The following SLC6A6 variants were observed in gnomAD, a reference collection of about 807,000 sequenced individuals.
SLC6A6 encodes the protein sodium- and chloride-dependent taurine transporter.
In SLC6A6, 16 loss-of-function variants were observed where a neutral mutation model predicts 68.8. The observed-to-expected ratio is 0.23, with a 90% CI of 0.16 to 0.35. SLC6A6 has a LOEUF of 0.35. Among genes scored for constraint, SLC6A6 ranks in the 10% least tolerant of loss-of-function variants. SLC6A6 has a pLI of 1.00. For synonymous variants in SLC6A6, 312 were observed against 315.4 expected (o/e 0.99, Z 0.12); for missense variants, 474 against 802.8 (o/e 0.59, Z 4.95).
chr3:14,417,905 G>A lies in SLC6A6; in HGVS notation c.-12+1452G>A, dbSNP rs192978173. ...CTTATTTTTCTTTTAGTTCAGGATC[G>A]TCATTATGTTTTTAAAAAGGGTTTA... On this transcript the variant is annotated intron_variant, in intron 2 of 14. Transcript: ENST00000622186. Among the ~76,000 whole-genome samples the A allele has an allele frequency of 7.9e-5, 12 of 151,874 alleles. No individual in the cohort carries two copies. In the South Asian group the frequency reaches 8.3e-4, roughly 11 times the overall value.
intron 5 of SLC6A6, among the ~76,000 whole-genome samples, chr3:14,454,106 G>A (rs80190578): frequency 0.023 from 3,447 of 152,360 alleles, 137 homozygotes; most frequent in African/African-American, 0.079. Context: ...CAGAAGGGCC[G>A]TGTTGGCCGG....
rs13316739 is a variant in SLC6A6 at position 14,452,629 on chromosome 3, G to A, written c.599+4813G>A. Among the ~76,000 whole-genome samples, 1,418 of 151,456 alleles carry A rather than the reference G, an allele frequency of 9.4e-3. 22 individuals are homozygous for A. The highest frequency in any genetic ancestry group is 0.033 in the African/African-American group (1,344 of 40,780). On this transcript the variant is annotated intron_variant, in intron 5 of 14. Coordinates refer to ENST00000622186, the MANE Select transcript of SLC6A6 (RefSeq NM_003043.6). ...CAGGTTACTCTTGGGGTCTTCTCTCGGCCTGGACCCCCTACACCCACCCTG... is the reference window on the plus strand; with the variant it reads ...CAGGTTACTCTTGGGGTCTTCTCTCAGCCTGGACCCCCTACACCCACCCTG...
At position 14,467,763 on chromosome 3, in the gene SLC6A6, G is replaced by A. The variant is rs149158300; in HGVS notation, c.868-90G>A. ...TGCAAGGTCCCGTCCCCAGGCCATC[G>A]CCAGGTGGACATAACCCTCGCTGCC... is the stretch of plus-strand genomic sequence containing the variant. On this transcript the variant is annotated intron_variant, in intron 7 of 14. Coordinates refer to ENST00000622186, the MANE Select transcript of SLC6A6 (RefSeq NM_003043.6). The A allele has an allele frequency of 1.3e-3, 934 of 725,872 alleles. 13 individuals are homozygous for A. In the East Asian group the frequency reaches 0.019, roughly 14 times the overall value. The allele number at this position is 725,872 out of a possible 1,614,324, so 45.0% of individuals were successfully genotyped here.
intron 9 of SLC6A6, among the ~76,000 whole-genome samples, chr3:14,470,719 T>C (rs1408570362): frequency 1.3e-5 from 2 of 152,178 alleles, no homozygotes; most frequent in Non-Finnish European, 1.5e-5. Context: ...GGCCCCGGTC[T>C]GGGTGGAAAC....
chr3:14,470,507 C>T (rs1559311247), intron 9 of SLC6A6, among the ~76,000 whole-genome samples: 1 of 152,222 alleles, frequency 6.6e-6, no homozygotes, highest in Non-Finnish European at 1.5e-5. Flanking sequence ...GAGAAAGACG[C>T]TCAGACCCTC....
chr3:14,470,468 C>T (rs1159128586), intron 9 of SLC6A6, among the ~76,000 whole-genome samples: 1 of 152,208 alleles, frequency 6.6e-6, no homozygotes, highest in Non-Finnish European at 1.5e-5. Context: ...TCCTGGACTT[C>T]TCTCTCTTGA....
At chr3:14,409,426 T>G (rs111348237) in intron 1 of SLC6A6, among the ~76,000 whole-genome samples, 3 of 152,342 alleles carry the variant, frequency 2.0e-5, no homozygotes, top group African/African-American at 7.2e-5. Flanking sequence ...TTTATCCCCC[T>G]TCCTGTCTCA....
chr3:14,475,777 G>A (rs1479092501), intron 10 of SLC6A6, among the ~76,000 whole-genome samples: 2 of 152,166 alleles, frequency 1.3e-5, no homozygotes, highest in Non-Finnish European at 2.9e-5. Context: ...ATAATTCGGT[G>A]GCAATTTAGG....
intron 9 of SLC6A6, among the ~76,000 whole-genome samples, chr3:14,471,801 C>A (rs1285055955): frequency 6.6e-6 from 1 of 152,170 alleles, no homozygotes. Context: ...GGAGACTGGG[C>A]GGTCAGGTCA....
At chr3:14,407,432 T>C (rs2124891906) in intron 1 of SLC6A6, among the ~76,000 whole-genome samples, 2 of 152,168 alleles carry the variant, frequency 1.3e-5, no homozygotes, top group South Asian at 4.1e-4. Flanking sequence ...AATCAAGATA[T>C]AGAACATTTC....
At chr3:14,445,194 G>A (rs1046353904) in intron 3 of SLC6A6, among the ~76,000 whole-genome samples, 9 of 152,004 alleles carry the variant, frequency 5.9e-5, no homozygotes, top group African/African-American at 1.4e-4. Context: ...AGGCCAAGGC[G>A]GGCGGATCAC....
At chr3:14,434,951 GT>G (rs1377511492) in intron 2 of SLC6A6, among the ~76,000 whole-genome samples, 6 of 152,226 alleles carry the variant, frequency 3.9e-5, no homozygotes, top group African/African-American at 1.4e-4. Context: ...ACCTGCCAAT[GT>G]TTTTATGAGG....
chr3:14,405,318 C>T (rs1385004261), intron 1 of SLC6A6, among the ~76,000 whole-genome samples: 2 of 152,220 alleles, frequency 1.3e-5, no homozygotes, highest in African/African-American at 4.8e-5. Flanking sequence ...GCAGTCCGGG[C>T]TCTGGGGACT....
chr3:14,437,739 A>G (rs1009723513), intron 2 of SLC6A6, among the ~76,000 whole-genome samples: 1 of 151,974 alleles, frequency 6.6e-6, no homozygotes, highest in Non-Finnish European at 1.5e-5. Flanking sequence ...CATAACTGAA[A>G]TTTTGTGGTT....
Position 14,472,055 on chromosome 3 carries a change from C to A in SLC6A6, c.1097-150C>A. The A allele has an allele frequency of 1.6e-6, 1 of 615,172 alleles. No individual in the cohort carries two copies. 38.1% of individuals were successfully genotyped at this position (615,172 alleles called of 1,614,324 possible). On this transcript the variant is annotated intron_variant, in intron 9 of 14. Coordinates refer to ENST00000622186, the MANE Select transcript of SLC6A6 (RefSeq NM_003043.6). The surrounding 1 kb of genome is among the most constrained non-coding windows in gnomAD (Gnocchi z 4.5). ...CAGCGTGTCCCACCCAAAGGCGAGA[C>A]AGGCCTGGTCTCTTTCCCCAGGCCA...
Position 14,481,748 on chromosome 3 carries a change from T to C in SLC6A6, c.1629T>C (p.Ile543=), listed in dbSNP as rs773868229. 1.4e-5 allele frequency: 22 copies of C among 1,613,930 alleles called. No homozygotes were observed. The South Asian group carries it at 2.3e-4, about 17-fold the overall frequency. Reference sequence around the variant, plus strand: ...CATACGTGTACCCCAACTGGGCCATTGGGCTGGGCTGGAGCCTGGCCCTTT... The same window carrying C: ...CATACGTGTACCCCAACTGGGCCATCGGGCTGGGCTGGAGCCTGGCCCTTT... ...NKTYVYPNWA[I]GLGWSLALSS... The change falls in exon 14 of 15, where the codon ATT becomes ATC. Residue 543 remains isoleucine (I), a synonymous_variant. Coordinates refer to ENST00000622186, the MANE Select transcript of SLC6A6 (RefSeq NM_003043.6). This position sits in a 1 kb window ranked among gnomAD's most constrained non-coding sequence, Gnocchi z 4.7.
At chr3:14,433,479 G>A (rs1699777076) in intron 2 of SLC6A6, among the ~76,000 whole-genome samples, 1 of 152,116 alleles carries the variant, frequency 6.6e-6, no homozygotes, top group Non-Finnish European at 1.5e-5. Flanking sequence ...GGCGGCCGAG[G>A]TGTGGGGTTA....
chr3:14,455,222 G>GGC (rs543685738), intron 5 of SLC6A6, among the ~76,000 whole-genome samples: 122 of 152,356 alleles, frequency 8.0e-4, no homozygotes, highest in South Asian at 7.7e-3. Flanking sequence ...TGGAGAAGGA[G>GGC]GCGGAGGACT....
chr3:14,481,651 C>G lies in SLC6A6; in HGVS notation c.1552-20C>G. The stretch of plus-strand genomic sequence containing the variant: ...CCGATGCCCAGGACCCCTCTCCTGA[C>G]TGCCCCCATCTCTCCGCAGGGATGT... On this transcript the variant is annotated intron_variant, in intron 13 of 14. Coordinates refer to ENST00000622186, the MANE Select transcript of SLC6A6 (RefSeq NM_003043.6). The surrounding 1 kb of genome is among the most constrained non-coding windows in gnomAD (Gnocchi z 4.7). 1 of 1,581,798 alleles carries G rather than the reference C, an allele frequency of 6.3e-7. No individual in the cohort carries two copies. The highest frequency in any genetic ancestry group is 1.1e-5 in the South Asian group (1 of 87,746).
Sources: allele counts gnomAD v4.1 joint callset (sites outside exome capture counted in the v4.1 genomes callset), GRCh38; gene constraint gnomAD v4.1.1; non-coding constraint Gnocchi (gnomAD v3.1); transcripts MANE v1.5; gene names NCBI Gene and HGNC (gene_info 2026-07-23, HGNC 2026-07-21).